Variants in NCCRP1 observed in about 807,000 individuals in gnomAD.
NCCRP1 encodes NCCRP1, F-box associated domain containing.
A neutral mutation model predicts 34.4 loss-of-function variants in NCCRP1; 32 were observed. The ratio of observed to expected loss-of-function variants is 0.93; its 90% CI spans 0.70 to 1.25. The LOEUF (loss-of-function observed/expected upper bound fraction) is 1.25. Ranked by LOEUF, NCCRP1 falls within the 50% of genes most tolerant of loss-of-function variation. The pLI is 0.00. For missense variants in NCCRP1, 372 were observed against 391.8 expected (o/e 0.95, Z 0.43); for synonymous variants, 172 against 180.1 (o/e 0.95, Z 0.36).
chr19:39,199,714 T>C (rs2074779806), intron 4 of NCCRP1, among the ~76,000 whole-genome samples: 3 of 152,068 alleles, frequency 2.0e-5, no homozygotes, highest in Non-Finnish European at 4.4e-5. Flanking sequence ...GGTTTCACCA[T>C]GTTGCCCAGG....
chr19:39,198,191 C>T lies in NCCRP1; in HGVS notation c.401-11C>T, dbSNP rs761419235. 1 of 1,614,126 alleles carries T rather than the reference C, an allele frequency of 6.2e-7. No homozygotes were observed. The highest frequency in any genetic ancestry group is 1.1e-5 in the South Asian group (1 of 91,082). ...TTGGGGTGTCCTAACCCTTTGCTCC[C>T]CAACCTGCAGGCAATTTCCGTGGCT... On this transcript the variant is annotated splice_polypyrimidine_tract_variant and intron_variant, in intron 2 of 5. Transcript: ENST00000339852.
chr19:39,196,992 G>T lies in NCCRP1; in HGVS notation c.10G>T (p.Val4Leu), dbSNP rs1456789287. Residue 4 changes from valine to leucine, a missense_variant, in exon 1 of 6, where the codon GTG becomes TTG. By Grantham distance (32) the Val-to-Leu change is conservative. Coordinates refer to ENST00000339852, the MANE Select transcript of NCCRP1 (RefSeq NM_001001414.2). ...CGCGCAGCCTCGAGGGATGGAGGAG[G>T]TGCGTGAGGGACACGCGCTCGGTGG... MEE[V>L]REGHALGGGM... 2.6e-6 allele frequency: 4 copies of T among 1,535,904 alleles called. No homozygotes were observed. The East Asian group carries it at 9.9e-5, about 38-fold the overall frequency.
chr19:39,197,438 C>T lies in NCCRP1; in HGVS notation c.337+119C>T, dbSNP rs1442356062. 5.8e-6 allele frequency: 5 copies of T among 864,170 alleles called. No individual in the cohort carries two copies. In the African/African-American group the frequency reaches 8.9e-5, roughly 15 times the overall value. The allele number at this position is 864,170 out of a possible 1,614,324, so 53.5% of individuals were successfully genotyped here. ...TCTCTGTCTATGCATTTCTCTGCAT[C>T]CCTCTGTCTCTTTTTCTGTCATTGT... On this transcript the variant is annotated intron_variant, in intron 1 of 5. Coordinates refer to ENST00000339852, the MANE Select transcript of NCCRP1 (RefSeq NM_001001414.2).
chr19:39,198,417 C>T (rs970917658), intron 3 of NCCRP1, among the ~76,000 whole-genome samples, 164 bp downstream of exon 3: 12 of 152,232 alleles, frequency 7.9e-5, no homozygotes, highest in Non-Finnish European at 1.8e-4. Context: ...GCATAGGGCC[C>T]GGCCAGGTCT....
Position 39,197,071 on chromosome 19 carries a change from G to A in NCCRP1, c.89G>A (p.Arg30Gln). Reference protein sequence around the residue: ...ASLQELPPSPRSPSPPPSPPP... With the variant: ...ASLQELPPSPQSPSPPPSPPP... ...CTCCAGGAGCTGCCTCCCTCGCCAC[G>A]GTCGCCTTCACCGCCGCCGTCGCCG... The change falls in exon 1 of 6, where the codon CGG becomes CAG. Residue 30 changes from arginine to glutamine, a missense_variant. Physicochemically the swap from Arg to Gln is conservative, Grantham distance 43. Transcript: ENST00000339852. The A allele has an allele frequency of 6.5e-7, 1 of 1,530,180 alleles. No individual in the cohort carries two copies. The highest frequency in any genetic ancestry group is 8.7e-7 in the Non-Finnish European group (1 of 1,144,976). The allele number at this position is 1,530,180 out of a possible 1,614,324, so 94.8% of individuals were successfully genotyped here.
intron 2 of NCCRP1, 36 bp from the exon 3 acceptor site, chr19:39,198,166 T>G: frequency 1.9e-6 from 3 of 1,614,112 alleles, no homozygotes; most frequent in Non-Finnish European, 2.5e-6. Context: ...TCCTCCAGCG[T>G]TGGGGTGTCC....
rs1227801848 is a variant in NCCRP1, at chr19:39,197,353, A to T, written c.337+34A>T. 7 of 1,387,052 alleles carry T rather than the reference A, an allele frequency of 5.0e-6. No individual in the cohort carries two copies. In the African/African-American group the frequency reaches 6.1e-5, roughly 12 times the overall value. The allele number at this position is 1,387,052 out of a possible 1,614,324, so 85.9% of individuals were successfully genotyped here. On this transcript the variant is annotated intron_variant, in intron 1 of 5. Coordinates refer to ENST00000339852, the MANE Select transcript of NCCRP1 (RefSeq NM_001001414.2). ...GGGCCCAGAGCAGCCAGGAGGCACC[A>T]CCCTGACCGTCTGTCTCTTCCTCTT...
In NCCRP1 at chr19:39,200,566, G is replaced by A. The variant is rs550666456; in HGVS notation, c.688-50G>A. The A allele has an allele frequency of 8.1e-6, 13 of 1,611,272 alleles. No homozygotes were observed. The East Asian group carries it at 1.3e-4, about 17-fold the overall frequency. On this transcript the variant is annotated intron_variant, in intron 5 of 5. Coordinates refer to ENST00000339852, the MANE Select transcript of NCCRP1 (RefSeq NM_001001414.2). This position sits in a 1 kb window ranked among gnomAD's most constrained non-coding sequence, Gnocchi z 5.8. ...CTCACAGAGGGAGGAGAACAGGTCC[G>A]CGGGTCCTCAAAAAGGGCTCCTCCC...
At position 39,200,901 on chromosome 19, in the gene NCCRP1, C is replaced by T. The variant is rs2074785756; in HGVS notation, c.*145C>T. 1 of 1,028,492 alleles carries T rather than the reference C, an allele frequency of 9.7e-7. No individual in the cohort carries two copies. The highest frequency in any genetic ancestry group is 1.4e-6 in the Non-Finnish European group (1 of 714,728). The allele number at this position is 1,028,492 out of a possible 1,614,324, so 63.7% of individuals were successfully genotyped here. On this transcript the variant is annotated 3_prime_UTR_variant, in exon 6 of 6. Transcript: ENST00000339852. The surrounding 1 kb of genome is among the most constrained non-coding windows in gnomAD (Gnocchi z 5.8). The stretch of plus-strand genomic sequence containing the variant: ...GCTTCACACACCCTTAAGCGGTGGA[C>T]TCCAGCATTTTCCCAGCACTGTCTG...
intron 3 of NCCRP1, 145 bp from the exon 4 acceptor site, chr19:39,199,025 G>A (rs1011070934): frequency 6.8e-5 from 46 of 679,398 alleles, no homozygotes; most frequent in Middle Eastern, 2.8e-4. Flanking sequence ...AGAGGGGCCC[G>A]TGGGAACTGA....
chr19:39,199,370 C>G, intron 4 of NCCRP1, 105 bp downstream of exon 4: 7 of 982,916 alleles, frequency 7.1e-6, no homozygotes, highest in Middle Eastern at 3.1e-4. Flanking sequence ...CACCAAGACC[C>G]TCCTGGTGCT....
chr19:39,198,271 G>A lies in NCCRP1; in HGVS notation c.452+18G>A, dbSNP rs1235880535. The A allele has an allele frequency of 3.7e-6, 6 of 1,613,864 alleles. 1 individual carries two copies. The highest frequency in any genetic ancestry group is 1.7e-4 in the Middle Eastern group (1 of 6,060). ...AACCAAAGGTGAGTCGCCAGGGCCA[G>A]TGTGGCTTACACTCCATTCCCTGCT... On this transcript the variant is annotated intron_variant, in intron 3 of 5. Coordinates refer to ENST00000339852, the MANE Select transcript of NCCRP1 (RefSeq NM_001001414.2).
chr19:39,198,336 G>A (rs1292407913), intron 3 of NCCRP1, 83 bp downstream of exon 3: 27 of 1,449,296 alleles, frequency 1.9e-5, no homozygotes, highest in Non-Finnish European at 2.3e-5. Context: ...AACTGACTTG[G>A]CCTCTCTGGA....
rs188682087 is a variant in NCCRP1, at chr19:39,198,165, G to A, written c.401-37G>A. The A allele has an allele frequency of 6.8e-4, 1,090 of 1,614,140 alleles. 33 individuals are homozygous for A. The East Asian group carries it at 0.023, about 34-fold the overall frequency. ...CTGAGGGTGGGGAGGGTCCTCCAGC[G>A]TTGGGGTGTCCTAACCCTTTGCTCC... On this transcript the variant is annotated intron_variant, in intron 2 of 5. Coordinates refer to ENST00000339852, the MANE Select transcript of NCCRP1 (RefSeq NM_001001414.2).
Position 39,200,870 on chromosome 19 carries a change from T to C in NCCRP1, c.*114T>C. 7.6e-7 allele frequency: 1 copy of C among 1,323,176 alleles called. No homozygotes were observed. Among genetic ancestry groups the C allele is most frequent in the African/African-American group, 1.5e-5 (1 of 68,362 alleles). The allele number at this position is 1,323,176 out of a possible 1,614,324, so 82.0% of individuals were successfully genotyped here. A position where few individuals can be genotyped will look rare whatever the true frequency, so the allele number is the denominator to read the frequency against. On this transcript the variant is annotated 3_prime_UTR_variant, in exon 6 of 6. Transcript: ENST00000339852. This position sits in a 1 kb window ranked among gnomAD's most constrained non-coding sequence, Gnocchi z 5.8. ...CCCTGGCCCTTGGCTTCTCACTTGA[T>C]GGACAGCTTCACACACCCTTAAGCG...
In NCCRP1 at chr19:39,197,013, G is replaced by T. The variant is rs1025745434; in HGVS notation, c.31G>T (p.Gly11Cys). The part of the protein sequence containing the change: MEEVREGHAL[G>C]GGMEADGPAS... ...GGAGGTGCGTGAGGGACACGCGCTC[G>T]GTGGCGGGATGGAAGCCGATGGGCC... is the stretch of plus-strand genomic sequence containing the variant. The change falls in exon 1 of 6, where the codon GGT becomes TGT. Residue 11 changes from glycine (G) to cysteine (C), a missense_variant. Physicochemically the swap from Gly to Cys is radical, Grantham distance 159. Transcript: ENST00000339852. The T allele has an allele frequency of 3.9e-6, 6 of 1,535,764 alleles. No homozygotes were observed. Among genetic ancestry groups the T allele is most frequent in the Non-Finnish European group, 4.4e-6 (5 of 1,148,028 alleles).
At position 39,197,224 on chromosome 19, in the gene NCCRP1, G is replaced by A; in HGVS notation, c.242G>A (p.Ser81Asn). 1 of 1,456,614 alleles carries A rather than the reference G, an allele frequency of 6.9e-7. No individual in the cohort carries two copies. The highest frequency in any genetic ancestry group is 9.0e-7 in the Non-Finnish European group (1 of 1,116,052). 90.2% of individuals were successfully genotyped at this position (1,456,614 alleles called of 1,614,324 possible). The change falls in exon 1 of 6, where the codon AGC becomes AAC. Residue 81 changes from serine to asparagine, a missense_variant. Physicochemically the swap from Ser to Asn is conservative, Grantham distance 46. Transcript: ENST00000339852. ...QLLLEEWGPL[S>N]GGLELPQRLT... is the part of the protein sequence containing the mutation. ...CTGCTGGAGGAGTGGGGGCCGCTGAGCGGGGGCCTGGAGCTGCCCCAGCGC... is the reference window on the plus strand; with the variant it reads ...CTGCTGGAGGAGTGGGGGCCGCTGAACGGGGGCCTGGAGCTGCCCCAGCGC...
rs747046037 is a variant in NCCRP1 at position 39,200,586 on chromosome 19, C to T, written c.688-30C>T. 5 of 1,612,320 alleles carry T rather than the reference C, an allele frequency of 3.1e-6. No individual in the cohort carries two copies. The African/African-American group carries it at 5.3e-5, about 17-fold the overall frequency. ...GGTCCGCGGGTCCTCAAAAAGGGCT[C>T]CTCCCTAACCCCAGGTGCTGTCACC... On this transcript the variant is annotated intron_variant, in intron 5 of 5. Transcript: ENST00000339852. The surrounding 1 kb of genome is among the most constrained non-coding windows in gnomAD (Gnocchi z 5.8).
Position 39,198,103 on chromosome 19 carries a change from C to G in NCCRP1, c.388C>G (p.Leu130Val), listed in dbSNP as rs1378011313. Residue 130 changes from leucine to valine, a missense_variant, in exon 2 of 6, where the codon CTG becomes GTG. Coordinates refer to ENST00000339852, the MANE Select transcript of NCCRP1 (RefSeq NM_001001414.2). ...APPTGPTQRP[L>V]ETLGNFRGWY... Reference sequence around the variant, plus strand: ...CCCTACTGGTCCCACCCAGCGACCCCTGGAAACTCTGGGTAAGTGCTTGGA... The same window carrying G: ...CCCTACTGGTCCCACCCAGCGACCCGTGGAAACTCTGGGTAAGTGCTTGGA... 1.2e-6 allele frequency: 2 copies of G among 1,614,076 alleles called. No homozygotes were observed. Among genetic ancestry groups the G allele is most frequent in the Non-Finnish European group, 8.5e-7 (1 of 1,180,056 alleles).
Sources: allele counts gnomAD v4.1 joint callset (sites outside exome capture counted in the v4.1 genomes callset), GRCh38; gene constraint gnomAD v4.1.1; non-coding constraint Gnocchi (gnomAD v3.1); transcripts MANE v1.5; gene names NCBI Gene and HGNC (gene_info 2026-07-23, HGNC 2026-07-21).